GABRG3: variants seen among roughly 807,000 people sequenced by gnomAD.
The protein encoded by GABRG3 is gamma-aminobutyric acid receptor subunit gamma-3.
GABRG3 carries 25 observed loss-of-function variants against 48.8 expected under a neutral mutation model. That is an observed-to-expected ratio of 0.51 (90% CI 0.37 to 0.72). The LOEUF (loss-of-function observed/expected upper bound fraction) is 0.72, where lower values mean the gene tolerates loss of function less well. GABRG3 is among the 30% of genes least tolerant of loss of function. GABRG3 has a pLI of 0.00. For missense variants in GABRG3, 394 were observed against 577.9 expected (o/e 0.68, Z 3.26); for synonymous variants, 227 against 217.6 (o/e 1.04, Z -0.38).
At chr15:27,125,531 A>G (rs1412820767) in intron 3 of GABRG3, among the ~76,000 whole-genome samples, 1 of 152,248 alleles carries the variant, frequency 6.6e-6, no homozygotes, top group Admixed American at 6.5e-5. Context: ...TGGTTATGCT[A>G]CTTACCAGGA....
In GABRG3 at chr15:27,324,390, G is replaced by A. The variant is rs189328054; in HGVS notation, c.271-2419G>A. On this transcript the variant is annotated intron_variant, in intron 3 of 9. Transcript: ENST00000615808. ...AGTCCCCACTGGGCAGATCCTGATG[G>A]GCTGGGTTCCATGAGGTGAGGTTTT... 3.8e-4 allele frequency among the ~76,000 whole-genome samples: 58 copies of A among 152,280 alleles called. No individual in the cohort carries two copies. In the South Asian group the frequency reaches 4.1e-3, roughly 11 times the overall value.
chr15:27,121,990 G>A (rs913904916), intron 3 of GABRG3, among the ~76,000 whole-genome samples: 7 of 152,098 alleles, frequency 4.6e-5, no homozygotes, highest in Non-Finnish European at 8.8e-5. Flanking sequence ...CGGGGAAGTG[G>A]GAATGGCTAA....
At chr15:27,160,068 T>C (rs1438585817) in intron 3 of GABRG3, among the ~76,000 whole-genome samples, 1 of 152,174 alleles carries the variant, frequency 6.6e-6, no homozygotes, top group Non-Finnish European at 1.5e-5. Context: ...AAGACCCTCC[T>C]GCTCTTTCCT....
At chr15:27,309,342 A>G (rs575745001) in intron 3 of GABRG3, among the ~76,000 whole-genome samples, 1 of 151,906 alleles carries the variant, frequency 6.6e-6, no homozygotes, top group Admixed American at 6.6e-5. Context: ...ATATTTACCA[A>G]TTTAAACCTT....
chr15:26,998,539 T>C (rs1009248676), intron 2 of GABRG3, among the ~76,000 whole-genome samples: 5 of 152,042 alleles, frequency 3.3e-5, no homozygotes, highest in Non-Finnish European at 5.9e-5. Flanking sequence ...GTAAACAAGG[T>C]GAGAGCACCT....
In GABRG3 at chr15:27,540,251, T is replaced by C. The variant is rs953935140; in HGVS notation, c.*7370T>C. ...GAAGAACATTCCATTCAATTGTTGT[T>C]TGTTGATTGCTTTCTCTCTTTTTTT... is the stretch of plus-strand genomic sequence containing the variant. On this transcript the variant is annotated 3_prime_UTR_variant, in exon 10 of 10. Transcript: ENST00000615808. The C allele has an allele frequency of 2.6e-5, 4 of 152,230 alleles. No homozygotes were observed. Among genetic ancestry groups the C allele is most frequent in the African/African-American group, 7.2e-5 (3 of 41,448 alleles). 9.4% of individuals were successfully genotyped at this position (152,230 alleles called of 1,614,324 possible).
intron 5 of GABRG3, among the ~76,000 whole-genome samples, chr15:27,444,443 A>G (rs1888881939): frequency 6.6e-6 from 1 of 152,190 alleles, no homozygotes; most frequent in Non-Finnish European, 1.5e-5. Context: ...TAATATGGGT[A>G]CACATGCTTT....
At chr15:27,046,260 ATTT>A (rs569250980) in intron 3 of GABRG3, among the ~76,000 whole-genome samples, 14 of 141,474 alleles carry the variant, frequency 9.9e-5, no homozygotes, top group Admixed American at 3.5e-4. Context: ...TACCTGGCTA[ATTT>A]TTTTTTTTTT....
intron 6 of GABRG3, among the ~76,000 whole-genome samples, chr15:27,500,956 T>TTTTTTTG (rs1295524509): frequency 2.0e-5 from 3 of 147,822 alleles, no homozygotes; most frequent in African/African-American, 7.5e-5. Context: ...ACGTATGTTT[T>TTTTTTTG]TTTTTTTTTT....
rs146798929 is a variant in GABRG3, at chr15:27,378,473, A to G, written c.574+49585A>G. 3.3e-5 allele frequency among the ~76,000 whole-genome samples: 5 copies of G among 152,358 alleles called. No individual in the cohort carries two copies. The East Asian group carries it at 9.7e-4, about 29-fold the overall frequency. Reference sequence around the variant, plus strand: ...AATAATAGATAATCCAGGATTTAGCATGGACAAATTTACCCACTGAGAATA... The same window carrying G: ...AATAATAGATAATCCAGGATTTAGCGTGGACAAATTTACCCACTGAGAATA... On this transcript the variant is annotated intron_variant, in intron 5 of 9. Transcript: ENST00000615808.
At chr15:27,322,214 A>T (rs191415025) in intron 3 of GABRG3, among the ~76,000 whole-genome samples, 2 of 152,360 alleles carry the variant, frequency 1.3e-5, no homozygotes, top group Non-Finnish European at 1.5e-5. Flanking sequence ...AAATGTAGAC[A>T]CAATAAAACA....
At chr15:27,514,566 G>C (rs1890974408) in intron 6 of GABRG3, among the ~76,000 whole-genome samples, 1 of 152,138 alleles carries the variant, frequency 6.6e-6, no homozygotes, top group Non-Finnish European at 1.5e-5. Flanking sequence ...AACAGATTTT[G>C]GGTCTTAATT....
chr15:27,466,173 T>C (rs1248965843), intron 5 of GABRG3, among the ~76,000 whole-genome samples: 2 of 152,200 alleles, frequency 1.3e-5, no homozygotes, highest in African/African-American at 4.8e-5. Context: ...TGGCGTAGTT[T>C]CTAAACAGTG....
At chr15:27,040,809 T>A (rs1187335704) in intron 3 of GABRG3, among the ~76,000 whole-genome samples, 2 of 152,182 alleles carry the variant, frequency 1.3e-5, no homozygotes, top group Non-Finnish European at 1.5e-5. Flanking sequence ...GGAAAGCAAT[T>A]AAGGTTTAAG....
Position 27,442,200 on chromosome 15 carries a change from G to A in GABRG3, c.575-38450G>A, listed in dbSNP as rs568350921. On this transcript the variant is annotated intron_variant, in intron 5 of 9. Coordinates refer to ENST00000615808, the MANE Select transcript of GABRG3 (RefSeq NM_033223.5). Reference sequence around the variant, plus strand: ...GAGGGCACAGGTGATGCACCAAGCCGGGCTCTTGGTCTCAGCTCCTACTCC... The same window carrying A: ...GAGGGCACAGGTGATGCACCAAGCCAGGCTCTTGGTCTCAGCTCCTACTCC... Among the ~76,000 whole-genome samples, 13 of 152,186 alleles carry A rather than the reference G, an allele frequency of 8.5e-5. No individual in the cohort carries two copies. In the East Asian group the frequency reaches 9.7e-4, roughly 11 times the overall value.
intron 3 of GABRG3, 50 bp from the exon 4 acceptor site, chr15:27,326,759 A>C: frequency 7.0e-7 from 1 of 1,425,186 alleles, no homozygotes; most frequent in Admixed American, 1.7e-5. Flanking sequence ...CAAATTATAC[A>C]GAACATTTAT....
intron 3 of GABRG3, among the ~76,000 whole-genome samples, chr15:27,312,553 T>G (rs1893031548): frequency 6.6e-6 from 1 of 152,096 alleles, no homozygotes; most frequent in African/African-American, 2.4e-5. Flanking sequence ...AAAAGCAAGT[T>G]GTCACACACA....
chr15:27,432,292 T>C (rs371523443), intron 5 of GABRG3, among the ~76,000 whole-genome samples: 2 of 152,350 alleles, frequency 1.3e-5, no homozygotes, highest in African/African-American at 2.4e-5. Context: ...TATATAGAAA[T>C]CACTTATCTG....
intron 3 of GABRG3, among the ~76,000 whole-genome samples, chr15:27,182,221 A>G (rs2140417343): frequency 6.6e-6 from 1 of 152,214 alleles, no homozygotes; most frequent in African/African-American, 2.4e-5. Context: ...TTTAGGCCAC[A>G]TGTTCTATGC....
Sources: gnomAD v4.1 joint callset for allele counts (sites outside exome capture counted in the v4.1 genomes callset) on GRCh38, gnomAD v4.1.1 for gene constraint, MANE v1.5 for transcripts, NCBI Gene and HGNC (gene_info 2026-07-23, HGNC 2026-07-21) for gene names.